Variants in KCNH1 observed in about 807,000 individuals in gnomAD.
KCNH1 encodes the protein potassium voltage-gated channel subfamily H member 1.
In KCNH1, 27 loss-of-function variants were observed where a neutral mutation model predicts 69.2. That is an observed-to-expected ratio of 0.39 (90% CI 0.29 to 0.54). The LOEUF (loss-of-function observed/expected upper bound fraction) is 0.54. KCNH1 is among the 20% of genes least tolerant of loss of function. The pLI is 0.68. For missense variants in KCNH1, 798 were observed against 1,261.6 expected (o/e 0.63, Z 5.57); for synonymous variants, 456 against 487.7 (o/e 0.93, Z 0.86).
intron 6 of KCNH1, among the ~76,000 whole-genome samples, chr1:211,011,719 C>T (rs573874161): frequency 1.5e-3 from 233 of 152,226 alleles, no homozygotes; most frequent in African/African-American, 5.4e-3. Flanking sequence ...CTAGCCACTC[C>T]CCAGCTCCCA....
intron 10 of KCNH1, among the ~76,000 whole-genome samples, chr1:210,725,889 C>T (rs573368627): frequency 6.6e-6 from 1 of 152,228 alleles, no homozygotes; most frequent in Non-Finnish European, 1.5e-5. Flanking sequence ...AGACCCAGTA[C>T]AAATGTCACT....
chr1:210,760,736 G>C (rs568902679), intron 10 of KCNH1, among the ~76,000 whole-genome samples: 2 of 152,322 alleles, frequency 1.3e-5, no homozygotes, highest in South Asian at 4.1e-4. Context: ...GGCAAAGAGA[G>C]AGGGCTTGTG....
At chr1:210,817,795 C>T (rs558066254) in intron 7 of KCNH1, among the ~76,000 whole-genome samples, 1 of 152,124 alleles carries the variant, frequency 6.6e-6, no homozygotes, top group Non-Finnish European at 1.5e-5. Context: ...AGATTCAAAC[C>T]TAGGAAGTTT....
chr1:210,817,242 CTA>C (rs1684836480), intron 7 of KCNH1, among the ~76,000 whole-genome samples: 2 of 152,318 alleles, frequency 1.3e-5, no homozygotes, highest in East Asian at 3.9e-4. Context: ...TCTGACAAAA[CTA>C]TTCATTTTGT....
intron 7 of KCNH1, among the ~76,000 whole-genome samples, chr1:210,882,570 C>T (rs1294095359): frequency 6.6e-6 from 1 of 152,162 alleles, no homozygotes; most frequent in Non-Finnish European, 1.5e-5. Context: ...AAACCCACCT[C>T]CGCCCCCTTT....
intron 10 of KCNH1, among the ~76,000 whole-genome samples, chr1:210,756,061 T>C (rs1289520404): frequency 2.0e-5 from 3 of 152,224 alleles, no homozygotes; most frequent in Non-Finnish European, 2.9e-5. Flanking sequence ...TGGTGTACTT[T>C]TGTTTGTTAA....
intron 7 of KCNH1, among the ~76,000 whole-genome samples, chr1:210,823,778 G>C (rs1230168427): frequency 6.6e-6 from 1 of 152,136 alleles, no homozygotes; most frequent in East Asian, 1.9e-4. Flanking sequence ...CAGCAACCAA[G>C]TGGTAGAGCC....
rs760803072 is a variant in KCNH1, at chr1:210,684,112, C to A, written c.2139G>T (p.Val713=). The A allele has an allele frequency of 2.6e-5, 40 of 1,512,362 alleles. No homozygotes were observed. The highest frequency in any genetic ancestry group is 4.4e-6 in the Non-Finnish European group (5 of 1,130,492). The allele number at this position is 1,512,362 out of a possible 1,614,324, so 93.7% of individuals were successfully genotyped here. The change falls in exon 11 of 11, where the codon GTG becomes GTT. Residue 713 remains valine, a synonymous_variant. Transcript: ENST00000271751. Reference sequence around the variant, plus strand: ...TCATGCGTTCTTCCTCTTCACGTTTCACATCGCTGATCTTCCGGAACACAA... The same window carrying A: ...TCATGCGTTCTTCCTCTTCACGTTTAACATCGCTGATCTTCCGGAACACAA... ...KRIVFRKISD[V]KREEEERMKR...
intron 7 of KCNH1, among the ~76,000 whole-genome samples, chr1:210,889,129 G>A (rs976412107): frequency 1.3e-5 from 2 of 152,130 alleles, no homozygotes; most frequent in African/African-American, 4.8e-5. Context: ...CAATATCCCT[G>A]ATGAACATCG....
Position 211,094,314 on chromosome 1 carries a change from C to T in KCNH1, c.311-3624G>A, listed in dbSNP as rs1286496501. Among the ~76,000 whole-genome samples, 8 of 152,302 alleles carry T rather than the reference C, an allele frequency of 5.3e-5. No individual in the cohort carries two copies. In the South Asian group the frequency reaches 1.7e-3, roughly 32 times the overall value. On this transcript the variant is annotated intron_variant, in intron 3 of 10. Coordinates refer to ENST00000271751, the MANE Select transcript of KCNH1 (RefSeq NM_172362.3). ...GGTGGAGCTCAGGTAGTAATGCTCG[C>T]TCAGCTGTCGCTCACCTCCTGCTAT...
chr1:210,908,758 C>T (rs1687166141), intron 7 of KCNH1, among the ~76,000 whole-genome samples: 1 of 152,126 alleles, frequency 6.6e-6, no homozygotes, highest in Admixed American at 6.5e-5. Context: ...TCTATGCCCA[C>T]CCCTGCTCTG....
intron 5 of KCNH1, among the ~76,000 whole-genome samples, chr1:211,029,839 A>C (rs1689750474): frequency 6.6e-6 from 1 of 152,254 alleles, no homozygotes; most frequent in South Asian, 2.1e-4. Flanking sequence ...TGAGTTCAGC[A>C]AGGTCATGTG....
intron 10 of KCNH1, among the ~76,000 whole-genome samples, chr1:210,701,455 G>A (rs887352097): frequency 1.1e-4 from 17 of 152,162 alleles, no homozygotes; most frequent in South Asian, 6.2e-4. Flanking sequence ...TACTAAGGTC[G>A]CAAAGAAGTT....
chr1:210,897,859 C>T lies in KCNH1; in HGVS notation c.1462+21781G>A, dbSNP rs140825737. 2.9e-3 allele frequency among the ~76,000 whole-genome samples: 441 copies of T among 152,234 alleles called. 1 individual carries two copies. The highest frequency in any genetic ancestry group is 4.8e-3 in the Non-Finnish European group (326 of 68,024). ...CTGAGAGGCAGAAGCAGGAAGAGAG[C>T]GAGCTGATGCTCCAAGATGGGAAGG... On this transcript the variant is annotated intron_variant, in intron 7 of 10. Transcript: ENST00000271751.
At chr1:210,725,184 T>C (rs1251562472) in intron 10 of KCNH1, among the ~76,000 whole-genome samples, 1 of 152,174 alleles carries the variant, frequency 6.6e-6, no homozygotes, top group Non-Finnish European at 1.5e-5. Context: ...CTGTTGATAA[T>C]GGCATCCCAA....
chr1:210,746,379 G>A (rs1461851544), intron 10 of KCNH1, among the ~76,000 whole-genome samples: 1 of 152,136 alleles, frequency 6.6e-6, no homozygotes, highest in Non-Finnish European at 1.5e-5. Flanking sequence ...TGGAGGTGAT[G>A]AAATTTGCTC....
intron 10 of KCNH1, among the ~76,000 whole-genome samples, chr1:210,718,201 A>C (rs1407720174): frequency 1.4e-5 from 2 of 145,386 alleles, no homozygotes; most frequent in Admixed American, 7.1e-5. Context: ...TATAATACTC[A>C]AATATGTAAT....
At chr1:210,797,271 G>A (rs1246074841) in intron 9 of KCNH1, among the ~76,000 whole-genome samples, 1 of 152,184 alleles carries the variant, frequency 6.6e-6, no homozygotes, top group Non-Finnish European at 1.5e-5. Context: ...ACACTAGACT[G>A]GGAGCCCCTT....
intron 4 of KCNH1, among the ~76,000 whole-genome samples, chr1:211,085,065 G>C (rs992951219): frequency 3.9e-5 from 6 of 152,142 alleles, no homozygotes; most frequent in African/African-American, 1.4e-4. Flanking sequence ...AGTCAAAGCA[G>C]GTTTCCTGGA....
Sources: gnomAD v4.1 joint callset for allele counts (sites outside exome capture counted in the v4.1 genomes callset) on GRCh38, gnomAD v4.1.1 for gene constraint, MANE v1.5 for transcripts, NCBI Gene and HGNC (gene_info 2026-07-23, HGNC 2026-07-21) for gene names.